Variants in WDR59 observed in about 807,000 individuals in gnomAD.
The protein encoded by WDR59 is WD repeat domain 59, also known as GATOR2 complex protein WDR59.
WDR59 carries 100 observed loss-of-function variants against 131.2 expected under a neutral mutation model. The observed-to-expected ratio is 0.76, with a 90% CI of 0.65 to 0.90. The LOEUF (loss-of-function observed/expected upper bound fraction) is 0.90. Among genes scored for constraint, WDR59 ranks in the 40% least tolerant of loss-of-function variants. The probability of loss-of-function intolerance (pLI) is 0.00; values close to 1 mark genes in which losing one functional copy is unlikely to be tolerated. For synonymous variants in WDR59, 601 were observed against 466.2 expected (o/e 1.29, Z -3.72); for missense variants, 1,203 against 1,262.2 (o/e 0.95, Z 0.71).
At chr16:74,967,584 C>T (rs1032162504) in intron 1 of WDR59, among the ~76,000 whole-genome samples, 4 of 152,208 alleles carry the variant, frequency 2.6e-5, no homozygotes, top group Middle Eastern at 3.4e-3. Context: ...CTCGGCTGGG[C>T]GCGGCGGCTC....
intron 8 of WDR59, among the ~76,000 whole-genome samples, chr16:74,928,050 G>A (rs2031021739): frequency 6.6e-6 from 1 of 151,226 alleles, no homozygotes; most frequent in African/African-American, 2.4e-5. Context: ...TGGAACTACA[G>A]GCATGCACCA....
intron 5 of WDR59, 95 bp downstream of exon 5, chr16:74,949,623 G>T: frequency 9.6e-7 from 1 of 1,046,308 alleles, no homozygotes; most frequent in Non-Finnish European, 1.4e-6. Flanking sequence ...CTCGAGGTCT[G>T]TATCGAGGGG....
intron 10 of WDR59, among the ~76,000 whole-genome samples, chr16:74,918,538 G>T (rs1387447768): frequency 2.0e-5 from 3 of 152,180 alleles, no homozygotes; most frequent in African/African-American, 7.2e-5. Flanking sequence ...GTAAAGTGAT[G>T]TATCTCTTTG....
At chr16:74,954,139 TG>T (rs1412184793) in intron 3 of WDR59, among the ~76,000 whole-genome samples, 1 of 152,164 alleles carries the variant, frequency 6.6e-6, no homozygotes, top group Non-Finnish European at 1.5e-5. Context: ...CTGGGTGCGG[TG>T]GCTCATGCCT....
chr16:74,948,599 C>T (rs2032796110), intron 5 of WDR59, 43 bp from the exon 6 acceptor site: 3 of 1,476,010 alleles, frequency 2.0e-6, no homozygotes, highest in African/African-American at 1.4e-5. Context: ...ATTTATATGC[C>T]ACCACCCACC....
chr16:74,893,918 A>G (rs1341744398), intron 18 of WDR59, 106 bp from the exon 19 acceptor site: 1 of 1,240,678 alleles, frequency 8.1e-7, no homozygotes, highest in African/African-American at 1.5e-5. Context: ...ACTTTTTAAA[A>G]ATTACATCAT....
At chr16:74,926,188 T>A (rs746608905) in intron 8 of WDR59, among the ~76,000 whole-genome samples, 1 of 151,700 alleles carries the variant, frequency 6.6e-6, no homozygotes, top group Non-Finnish European at 1.5e-5. Context: ...GCCTCCCACG[T>A]AGCTGGGATT....
intron 4 of WDR59, among the ~76,000 whole-genome samples, chr16:74,951,021 G>A (rs557874359): frequency 1.2e-4 from 18 of 151,600 alleles, no homozygotes; most frequent in Non-Finnish European, 2.2e-4. Context: ...TTAGCCGGGC[G>A]TGGTGGTGCA....
At chr16:74,959,392 T>C in intron 2 of WDR59, 1 of 326,314 alleles carries the variant, frequency 3.1e-6, no homozygotes, top group Non-Finnish European at 6.0e-6. Context: ...GAGATGCCAG[T>C]CGCTCTTTAG....
At chr16:74,875,825 G>T (rs867310205) in intron 25 of WDR59, among the ~76,000 whole-genome samples, 6 of 152,130 alleles carry the variant, frequency 3.9e-5, no homozygotes, top group African/African-American at 1.4e-4. Flanking sequence ...ACAAGAGGCT[G>T]AGCAATCCTG....
In WDR59 at chr16:74,914,839, A is replaced by G. The variant is rs578184728; in HGVS notation, c.1224+1031T>C. ...GATCTCTTCACCTTGTGATCCGTCT[A>G]CCTTGGCCTCCCAAAGTGCTGGAAT... On this transcript the variant is annotated intron_variant, in intron 13 of 25. Coordinates refer to ENST00000262144, the MANE Select transcript of WDR59 (RefSeq NM_030581.4). Among the ~76,000 whole-genome samples the G allele has an allele frequency of 3.9e-5, 6 of 152,216 alleles. No homozygotes were observed. In the South Asian group the frequency reaches 1.2e-3, roughly 32 times the overall value.
chr16:74,964,261 C>A (rs531567814), intron 2 of WDR59, among the ~76,000 whole-genome samples: 175 of 151,898 alleles, frequency 1.2e-3, no homozygotes, highest in Admixed American at 3.4e-3. Context: ...CGCCTATAAT[C>A]CCAGGTACTC....
chr16:74,873,623 C>G lies in WDR59; in HGVS notation c.*586G>C, dbSNP rs1479550286. The G allele has an allele frequency of 1.3e-5, 2 of 149,264 alleles. No individual in the cohort carries two copies. Among genetic ancestry groups the G allele is most frequent in the Non-Finnish European group, 3.0e-5 (2 of 67,648 alleles). 9.2% of individuals were successfully genotyped at this position (149,264 alleles called of 1,614,324 possible). On this transcript the variant is annotated 3_prime_UTR_variant, in exon 26 of 26. Transcript: ENST00000262144. ...TTTCAAATTACTAGAATTTTATTAG[C>G]CAAGGGATAGCAGCTGGAGGAGAAA... is the stretch of plus-strand genomic sequence containing the variant.
intron 13 of WDR59, among the ~76,000 whole-genome samples, chr16:74,913,047 G>A (rs1056949811): frequency 7.3e-6 from 1 of 137,366 alleles, no homozygotes; most frequent in African/African-American, 2.7e-5. Context: ...GGCCAGTTTT[G>A]GGGCCAGTTT....
rs537436879 is a variant in WDR59, at chr16:74,946,060, C to A, written c.445+2459G>T. ...AACTCCTGACCTCAGGTGATCCGCC[C>A]GCCTCAGCCTCCCAAAGTGCTGGGA... On this transcript the variant is annotated intron_variant, in intron 6 of 25. Transcript: ENST00000262144. 1.1e-3 allele frequency among the ~76,000 whole-genome samples: 160 copies of A among 152,042 alleles called. 1 individual carries two copies. Among genetic ancestry groups the A allele is most frequent in the African/African-American group, 3.7e-3 (155 of 41,504 alleles).
intron 8 of WDR59, among the ~76,000 whole-genome samples, chr16:74,937,732 C>T (rs2031915321): frequency 1.3e-5 from 2 of 152,138 alleles, no homozygotes; most frequent in Admixed American, 1.3e-4. Context: ...GAACTCCTGA[C>T]CTTAAGTGAT....
At position 74,881,734 on chromosome 16, in the gene WDR59, G is replaced by A. The variant is rs555960750; in HGVS notation, c.2689+3919C>T. 2.6e-5 allele frequency among the ~76,000 whole-genome samples: 4 copies of A among 151,924 alleles called. No individual in the cohort carries two copies. In the East Asian group the frequency reaches 5.8e-4, roughly 22 times the overall value. ...CTAAAAATTTAAAAATTAGCTGGGC[G>A]TAGTGGCACATGCCTGTAATCCCAG... On this transcript the variant is annotated intron_variant, in intron 25 of 25. Coordinates refer to ENST00000262144, the MANE Select transcript of WDR59 (RefSeq NM_030581.4).
chr16:74,883,435 T>G (rs114753449), intron 25 of WDR59, among the ~76,000 whole-genome samples: 2,293 of 152,320 alleles, frequency 0.015, 41 homozygotes, highest in African/African-American at 0.05. Flanking sequence ...AGCTTTATCA[T>G]GCCCTGCAAA....
chr16:74,913,149 C>T (rs1042558618), intron 13 of WDR59, among the ~76,000 whole-genome samples: 10 of 152,012 alleles, frequency 6.6e-5, no homozygotes, highest in Admixed American at 4.6e-4. Context: ...AGCTTTGTCA[C>T]GGTGAGCTAC....
Sources: allele counts gnomAD v4.1 joint callset (sites outside exome capture counted in the v4.1 genomes callset), GRCh38; gene constraint gnomAD v4.1.1; transcripts MANE v1.5; gene names NCBI Gene and HGNC (gene_info 2026-07-23, HGNC 2026-07-21).